GAS7: variants seen among roughly 807,000 people sequenced by gnomAD.
GAS7 encodes the protein growth arrest-specific protein 7.
GAS7 carries 28 observed loss-of-function variants against 71.1 expected under a neutral mutation model. The ratio of observed to expected loss-of-function variants is 0.39; its 90% CI spans 0.29 to 0.54. The LOEUF is 0.54. Ranked by LOEUF, GAS7 falls within the 20% of genes least tolerant of loss-of-function variation. The pLI is 0.62. For missense variants in GAS7, 436 were observed against 627.8 expected (o/e 0.69, Z 3.27); for synonymous variants, 258 against 245.8 (o/e 1.05, Z -0.46).
chr17:9,934,768 C>T (rs565523791), intron 8 of GAS7, among the ~76,000 whole-genome samples: 13 of 152,346 alleles, frequency 8.5e-5, no homozygotes, highest in Non-Finnish European at 1.3e-4. Context: ...GACAGTCTTG[C>T]TCTGTCGCCT....
At chr17:10,100,702 T>C (rs1282848614) in intron 1 of GAS7, among the ~76,000 whole-genome samples, 1 of 152,174 alleles carries the variant, frequency 6.6e-6, no homozygotes, top group African/African-American at 2.4e-5. Context: ...CCTGGTTTTT[T>C]TCCCCTCTTT....
At chr17:10,167,015 G>A (rs2142126118) in intron 1 of GAS7, among the ~76,000 whole-genome samples, 1 of 133,194 alleles carries the variant, frequency 7.5e-6, no homozygotes, top group East Asian at 2.5e-4. Flanking sequence ...TTTCTAACTT[G>A]ACTAAACCAA....
chr17:10,098,911 G>A (rs886786956), intron 1 of GAS7, among the ~76,000 whole-genome samples: 3 of 152,112 alleles, frequency 2.0e-5, no homozygotes, highest in Admixed American at 6.5e-5. Flanking sequence ...AGCCAAGATC[G>A]TGCCACTGCA....
chr17:10,147,213 G>C (rs888601277), intron 1 of GAS7, among the ~76,000 whole-genome samples: 3 of 152,134 alleles, frequency 2.0e-5, no homozygotes, highest in African/African-American at 7.2e-5. Context: ...GCACTGAAAA[G>C]TACTTTGTTC....
intron 1 of GAS7, among the ~76,000 whole-genome samples, chr17:10,020,642 T>C (rs911202724): frequency 2.0e-5 from 3 of 150,958 alleles, no homozygotes; most frequent in Non-Finnish European, 4.4e-5. Context: ...CCGGGCGCAG[T>C]GGCTCACGTC....
chr17:10,084,629 G>C (rs572790894), intron 1 of GAS7, among the ~76,000 whole-genome samples: 1 of 152,170 alleles, frequency 6.6e-6, no homozygotes, highest in East Asian at 1.9e-4. Flanking sequence ...ACCACACCTG[G>C]CTAATATTTG....
In GAS7 at chr17:10,034,287, C is replaced by A; in HGVS notation, c.184-14390G>T. The stretch of plus-strand genomic sequence containing the variant: ...TGGTCTCCAAGGGCTTTCATATATA[C>A]ATATATATAGCCTAATACTTAATAA... On this transcript the variant is annotated intron_variant, in intron 1 of 13. Coordinates refer to ENST00000432992, the MANE Select transcript of GAS7 (RefSeq NM_201433.2). This position sits in a 1 kb window ranked among gnomAD's most constrained non-coding sequence, Gnocchi z 4.4. 3.7e-6 allele frequency: 3 copies of A among 803,782 alleles called. No homozygotes were observed. Among genetic ancestry groups the A allele is most frequent in the Non-Finnish European group, 4.5e-6 (3 of 664,364 alleles). The allele number at this position is 803,782 out of a possible 1,614,324, so 49.8% of individuals were successfully genotyped here.
intron 1 of GAS7, among the ~76,000 whole-genome samples, chr17:10,081,934 G>C (rs1164070546): frequency 6.6e-6 from 1 of 152,240 alleles, no homozygotes; most frequent in Non-Finnish European, 1.5e-5. Context: ...TACCCAGGCC[G>C]GTACACGAGG....
At chr17:10,017,181 G>T (rs1347757812) in intron 2 of GAS7, among the ~76,000 whole-genome samples, 1 of 142,190 alleles carries the variant, frequency 7.0e-6, no homozygotes, top group Non-Finnish European at 1.6e-5. Context: ...AATAAATAAA[G>T]AGAGGAAGGG....
intron 2 of GAS7, among the ~76,000 whole-genome samples, chr17:9,982,788 A>G (rs1006843100): frequency 1.7e-5 from 2 of 117,624 alleles, no homozygotes; most frequent in Non-Finnish European, 3.4e-5. Flanking sequence ...AAAAAAAGAA[A>G]GAAAGAAAGG....
intron 1 of GAS7, chr17:10,036,650 C>G: frequency 7.0e-7 from 1 of 1,429,980 alleles, no homozygotes; most frequent in Non-Finnish European, 9.1e-7. Flanking sequence ...TGTTCTTTCA[C>G]AAAGAACCCA....
rs1196143861 is a variant in GAS7 at position 9,916,265 on chromosome 17, C to T, written c.*963G>A. On this transcript the variant is annotated 3_prime_UTR_variant, in exon 14 of 14. Transcript: ENST00000432992. ...GGCCCCATTAAGAGCCTGTGGTGGG[C>T]GGCCCGGGAGAGTGGGGGCCAGGGC... The T allele has an allele frequency of 1.3e-5, 3 of 232,978 alleles. No individual in the cohort carries two copies. Among genetic ancestry groups the T allele is most frequent in the East Asian group, 6.0e-5 (1 of 16,564 alleles). 14.4% of individuals were successfully genotyped at this position (232,978 alleles called of 1,614,324 possible).
In GAS7 at chr17:9,967,613, A is replaced by G. The variant is rs187788687; in HGVS notation, c.471+2064T>C. Among the ~76,000 whole-genome samples the G allele has an allele frequency of 6.1e-3, 672 of 109,502 alleles. 26 individuals are homozygous for G. The East Asian group carries it at 0.1, about 17-fold the overall frequency. 71.8% of individuals were successfully genotyped at this position (109,502 alleles called of 152,430 possible). On this transcript the variant is annotated intron_variant, in intron 4 of 13. Transcript: ENST00000432992. ...TGACTATATATGCAATGTGTGTCCT[A>G]CTTTTTTTTTACTCTATTTTATGTT...
chr17:10,152,325 A>C (rs535919858), intron 1 of GAS7, among the ~76,000 whole-genome samples: 9 of 152,330 alleles, frequency 5.9e-5, no homozygotes, highest in African/African-American at 2.2e-4. Context: ...TCGACTCCCC[A>C]AGAGAATCTT....
intron 4 of GAS7, among the ~76,000 whole-genome samples, chr17:9,965,997 C>CTCTTT (rs1408324865): frequency 3.3e-5 from 4 of 122,964 alleles, no homozygotes; most frequent in Admixed American, 8.5e-5. Flanking sequence ...CCCCAAAATT[C>CTCTTT]TTTTTTTTTT....
chr17:10,120,347 G>T (rs566874408), intron 1 of GAS7, among the ~76,000 whole-genome samples: 1 of 152,306 alleles, frequency 6.6e-6, no homozygotes, highest in Non-Finnish European at 1.5e-5. Flanking sequence ...TGTGGAGGAT[G>T]GGGGGCCACT....
chr17:10,154,551 G>A (rs917333637), intron 1 of GAS7, among the ~76,000 whole-genome samples: 10 of 151,882 alleles, frequency 6.6e-5, no homozygotes, highest in Non-Finnish European at 1.0e-4. Context: ...AGTGGCTGAC[G>A]CTTGTAATCC....
intron 9 of GAS7, among the ~76,000 whole-genome samples, chr17:9,928,279 A>ATTT (rs547589875): frequency 2.2e-5 from 3 of 137,676 alleles, no homozygotes; most frequent in Non-Finnish European, 4.7e-5. Flanking sequence ...CGCCCGGCTA[A>ATTT]TTTTTTTTTT....
intron 9 of GAS7, among the ~76,000 whole-genome samples, chr17:9,931,330 C>G (rs754937600): frequency 6.6e-6 from 1 of 152,196 alleles, no homozygotes; most frequent in Non-Finnish European, 1.5e-5. Flanking sequence ...ACTACCACGT[C>G]GGAGAGAGTT....
Sources: gnomAD v4.1 joint callset for allele counts (sites outside exome capture counted in the v4.1 genomes callset) on GRCh38, gnomAD v4.1.1 for gene constraint, Gnocchi (gnomAD v3.1) non-coding constraint, MANE v1.5 for transcripts, NCBI Gene and HGNC (gene_info 2026-07-23, HGNC 2026-07-21) for gene names.